RBMS3: variants seen among roughly 807,000 people sequenced by gnomAD.
RBMS3 encodes the protein RNA binding motif single stranded interacting protein 3.
RBMS3 carries 27 observed loss-of-function variants against 66.8 expected under a neutral mutation model. The observed-to-expected ratio is 0.40, with a 90% CI of 0.30 to 0.56. RBMS3 has a LOEUF of 0.56. RBMS3 is among the 20% of genes least tolerant of loss of function. RBMS3 has a pLI of 0.40. For missense variants in RBMS3, 513 were observed against 549.5 expected (o/e 0.93, Z 0.66); for synonymous variants, 188 against 183.0 (o/e 1.03, Z -0.22).
chr3:29,782,754 T>A (rs2056682123), intron 6 of RBMS3, among the ~76,000 whole-genome samples: 1 of 152,034 alleles, frequency 6.6e-6, no homozygotes, highest in Non-Finnish European at 1.5e-5. Context: ...CAGAGAAAGG[T>A]GAAGTCCAAC....
chr3:29,963,256 T>C lies in RBMS3; in HGVS notation c.1098+19002T>C, dbSNP rs576911356. 3.3e-5 allele frequency among the ~76,000 whole-genome samples: 5 copies of C among 152,298 alleles called. No homozygotes were observed. In the South Asian group the frequency reaches 8.3e-4, roughly 25 times the overall value. ...ATTTTGTAGCCTAGTAAAATCACCA[T>C]GTGAGCATTAAATGCCCGAATGCCC... On this transcript the variant is annotated intron_variant, in intron 12 of 14. Transcript: ENST00000383767.
At chr3:29,374,825 A>G (rs969890482) in intron 1 of RBMS3, among the ~76,000 whole-genome samples, 2 of 152,200 alleles carry the variant, frequency 1.3e-5, no homozygotes, top group Admixed American at 1.3e-4. Context: ...TAACTGTACT[A>G]TGTTTTACCA....
rs189938764 is a variant in RBMS3, at chr3:29,917,009, T to A, written c.939+17254T>A. On this transcript the variant is annotated intron_variant, in intron 10 of 14. Coordinates refer to ENST00000383767, the MANE Select transcript of RBMS3 (RefSeq NM_001003793.3). The stretch of plus-strand genomic sequence containing the variant: ...CTTAACACTGAAAATGTTAAATTGC[T>A]CTATAGTTAGTGACTTATTGGAAAA... 2.2e-3 allele frequency among the ~76,000 whole-genome samples: 339 copies of A among 152,152 alleles called. 1 individual carries two copies. Among genetic ancestry groups the A allele is most frequent in the African/African-American group, 7.7e-3 (320 of 41,562 alleles).
At chr3:29,537,378 G>A (rs141200297) in intron 3 of RBMS3, among the ~76,000 whole-genome samples, 4 of 152,068 alleles carry the variant, frequency 2.6e-5, no homozygotes, top group Admixed American at 1.3e-4. Flanking sequence ...CTGCTCCCTC[G>A]TGGCAACAGC....
chr3:29,549,066 T>G lies in RBMS3; in HGVS notation c.308-38048T>G, dbSNP rs1270763803. Among the ~76,000 whole-genome samples, 11 of 148,480 alleles carry G rather than the reference T, an allele frequency of 7.4e-5. No homozygotes were observed. In the East Asian group the frequency reaches 1.2e-3, roughly 16 times the overall value. On this transcript the variant is annotated intron_variant, in intron 3 of 14. Coordinates refer to ENST00000383767, the MANE Select transcript of RBMS3 (RefSeq NM_001003793.3). ...CTTTTCCCTCCTACTTCTGTTTTTT[T>G]TTTTTTTTTTTTTTTTCCATCCCTC...
intron 1 of RBMS3, among the ~76,000 whole-genome samples, chr3:29,323,685 C>A (rs1385274034): frequency 4.9e-5 from 5 of 102,430 alleles, no homozygotes; most frequent in Non-Finnish European, 7.9e-5. Context: ...CAGTTACACA[C>A]ACACATACAC....
intron 4 of RBMS3, among the ~76,000 whole-genome samples, chr3:29,736,140 T>C (rs2054368473): frequency 6.6e-6 from 1 of 152,226 alleles, no homozygotes; most frequent in Admixed American, 6.5e-5. Context: ...AAGTTTATTT[T>C]ATGCATAATT....
rs2046250755 is a variant in RBMS3 at position 29,553,693 on chromosome 3, A to G, written c.308-33421A>G. Reference sequence around the variant, plus strand: ...GTGTACCATCACATGTGCATATATAATATTATTTGCATTCATTATGAATGT... The same window carrying G: ...GTGTACCATCACATGTGCATATATAGTATTATTTGCATTCATTATGAATGT... On this transcript the variant is annotated intron_variant, in intron 3 of 14. Transcript: ENST00000383767. Among the ~76,000 whole-genome samples, 6 of 152,044 alleles carry G rather than the reference A, an allele frequency of 3.9e-5. No homozygotes were observed. The South Asian group carries it at 1.3e-3, about 32-fold the overall frequency.
intron 4 of RBMS3, among the ~76,000 whole-genome samples, chr3:29,605,746 C>T (rs915109587): frequency 1.3e-5 from 2 of 151,552 alleles, no homozygotes; most frequent in Non-Finnish European, 2.9e-5. Flanking sequence ...TTAATATTCT[C>T]CCTAAGTTGA....
At chr3:29,539,693 T>G (rs943668770) in intron 3 of RBMS3, among the ~76,000 whole-genome samples, 3 of 152,242 alleles carry the variant, frequency 2.0e-5, no homozygotes, top group African/African-American at 7.2e-5. Flanking sequence ...GTTTTCACTG[T>G]GCTCCAAAAG....
At chr3:29,884,462 CT>C (rs2059815735) in intron 8 of RBMS3, among the ~76,000 whole-genome samples, 14 of 135,582 alleles carry the variant, frequency 1.0e-4, no homozygotes, top group African/African-American at 3.1e-4. Context: ...CTCTCTCTCT[CT>C]CTCTCTCCCC....
intron 3 of RBMS3, among the ~76,000 whole-genome samples, chr3:29,500,678 T>C (rs1230748284): frequency 6.6e-6 from 1 of 152,098 alleles, no homozygotes; most frequent in Non-Finnish European, 1.5e-5. Flanking sequence ...TGCTATACCA[T>C]ACAGCCTAGG....
At chr3:29,525,657 T>C (rs2045064189) in intron 3 of RBMS3, among the ~76,000 whole-genome samples, 1 of 152,178 alleles carries the variant, frequency 6.6e-6, no homozygotes, top group African/African-American at 2.4e-5. Context: ...TATGGCTCAA[T>C]AGTACAATAT....
chr3:29,915,830 A>G (rs1001090638), intron 10 of RBMS3, among the ~76,000 whole-genome samples: 3 of 152,066 alleles, frequency 2.0e-5, no homozygotes, highest in African/African-American at 7.2e-5. Context: ...CTAACAAAGA[A>G]AAGAAGCAAG....
rs539777172 is a variant in RBMS3 at position 29,569,637 on chromosome 3, G to C, written c.308-17477G>C. The stretch of plus-strand genomic sequence containing the variant: ...GCTTCCAATCCCTTGTATTTCAAGA[G>C]ATGGGTGTTTGAATTTGATCTAACT... On this transcript the variant is annotated intron_variant, in intron 3 of 14. Coordinates refer to ENST00000383767, the MANE Select transcript of RBMS3 (RefSeq NM_001003793.3). Among the ~76,000 whole-genome samples the C allele has an allele frequency of 2.0e-5, 3 of 152,212 alleles. No individual in the cohort carries two copies. The South Asian group carries it at 6.2e-4, about 32-fold the overall frequency.
At chr3:29,504,176 A>G (rs1004914159) in intron 3 of RBMS3, among the ~76,000 whole-genome samples, 3 of 152,066 alleles carry the variant, frequency 2.0e-5, no homozygotes, top group African/African-American at 7.2e-5. Context: ...TCTGGGACTG[A>G]TGTTTTGCCC....
At chr3:29,886,116 A>C (rs2059863602) in intron 8 of RBMS3, among the ~76,000 whole-genome samples, 1 of 151,912 alleles carries the variant, frequency 6.6e-6, no homozygotes, top group African/African-American at 2.4e-5. Flanking sequence ...TAAAGACATT[A>C]GTCACATGAT....
At chr3:29,382,604 G>A (rs543836313) in intron 1 of RBMS3, among the ~76,000 whole-genome samples, 1 of 152,306 alleles carries the variant, frequency 6.6e-6, no homozygotes, top group East Asian at 1.9e-4. Flanking sequence ...TCACACTGCT[G>A]TGTTCACCAA....
At chr3:29,720,434 G>GGTA (rs1288267752) in intron 4 of RBMS3, among the ~76,000 whole-genome samples, 1 of 151,956 alleles carries the variant, frequency 6.6e-6, no homozygotes, top group Non-Finnish European at 1.5e-5. Context: ...GTAACCCTAT[G>GGTA]GTAGTAGTAG....
Sources: gnomAD v4.1 joint callset for allele counts (sites outside exome capture counted in the v4.1 genomes callset) on GRCh38, gnomAD v4.1.1 for gene constraint, MANE v1.5 for transcripts, NCBI Gene and HGNC (gene_info 2026-07-23, HGNC 2026-07-21) for gene names.